Variants in ANKS1B observed in about 807,000 individuals in gnomAD.
ANKS1B encodes ankyrin repeat and sterile alpha motif domain containing 1B.
Under a neutral mutation model 148.3 loss-of-function variants are expected in ANKS1B, and 36 were observed. The observed-to-expected ratio is 0.24, with a 90% confidence interval of 0.19 to 0.32. The LOEUF (loss-of-function observed/expected upper bound fraction) is 0.32, where lower values mean the gene tolerates loss of function less well. Among genes scored for constraint, ANKS1B ranks in the 10% least tolerant of loss-of-function variants. ANKS1B has a pLI of 1.00. For synonymous variants in ANKS1B, 542 were observed against 560.8 expected, an observed-to-expected ratio of 0.97 and a Z score of 0.47; for missense variants, 1,157 against 1,542.6, an observed-to-expected ratio of 0.75 and a Z score of 4.19.
intron 17 of ANKS1B, among the ~76,000 whole-genome samples, chr12:98,872,912 T>C (rs1219287718): frequency 6.6e-6 from 1 of 152,254 alleles, no homozygotes; most frequent in Non-Finnish European, 1.5e-5. Flanking sequence ...CCAGCCTCTG[T>C]GCCTGTGTTT....
chr12:99,776,739 G>A (rs2063690279), intron 6 of ANKS1B, among the ~76,000 whole-genome samples: 1 of 152,050 alleles, frequency 6.6e-6, no homozygotes. Context: ...GAGTGCAGTG[G>A]TGCAATCTTG....
intron 17 of ANKS1B, among the ~76,000 whole-genome samples, chr12:99,010,548 A>G (rs2099938709): frequency 6.6e-6 from 1 of 152,166 alleles, no homozygotes; most frequent in Non-Finnish European, 1.5e-5. Context: ...TATTGATGAA[A>G]TAGGTATTAC....
At chr12:99,957,616 T>C (rs1002396492) in intron 1 of ANKS1B, among the ~76,000 whole-genome samples, 2 of 152,244 alleles carry the variant, frequency 1.3e-5, no homozygotes, top group African/African-American at 4.8e-5. Flanking sequence ...GTTGCTTATG[T>C]AGTCGAATTA....
intron 12 of ANKS1B, among the ~76,000 whole-genome samples, chr12:99,354,392 T>C (rs2091770847): frequency 6.6e-6 from 1 of 152,186 alleles, no homozygotes; most frequent in South Asian, 2.1e-4. Flanking sequence ...AACTACATGC[T>C]TCAAAACCAA....
At chr12:99,744,394 G>C (rs528678893) in intron 8 of ANKS1B, among the ~76,000 whole-genome samples, 1 of 152,274 alleles carries the variant, frequency 6.6e-6, no homozygotes, top group African/African-American at 2.4e-5. Flanking sequence ...ATCATTAAAA[G>C]TTTCACTTAC....
At chr12:99,882,072 G>T (rs77603921) in intron 1 of ANKS1B, among the ~76,000 whole-genome samples, 1 of 152,130 alleles carries the variant, frequency 6.6e-6, no homozygotes, top group Non-Finnish European at 1.5e-5. Context: ...GGAAATAGAA[G>T]ACGTGAAGAA....
intron 1 of ANKS1B, among the ~76,000 whole-genome samples, chr12:99,957,902 A>T (rs2095347663): frequency 6.6e-6 from 1 of 152,254 alleles, no homozygotes; most frequent in South Asian, 2.1e-4. Context: ...TAGGCATAAA[A>T]TAAAGACATT....
intron 17 of ANKS1B, among the ~76,000 whole-genome samples, chr12:98,972,554 T>C (rs1597819749): frequency 6.6e-6 from 1 of 152,168 alleles, no homozygotes; most frequent in African/African-American, 2.4e-5. Context: ...ACACAGCTAG[T>C]GAGTGGTGAA....
chr12:99,930,907 G>A (rs2094596627), intron 1 of ANKS1B, among the ~76,000 whole-genome samples: 1 of 152,032 alleles, frequency 6.6e-6, no homozygotes, highest in Non-Finnish European at 1.5e-5. Context: ...TGTTTATAGC[G>A]GCACTATTCA....
At chr12:99,640,557 G>A (rs1231104712) in intron 9 of ANKS1B, among the ~76,000 whole-genome samples, 5 of 152,134 alleles carry the variant, frequency 3.3e-5, no homozygotes, top group African/African-American at 4.8e-5. Flanking sequence ...TCTGCCTTGG[G>A]ATGATGTAGG....
At chr12:99,968,555 CTCAA>C (rs57273287) in intron 1 of ANKS1B, among the ~76,000 whole-genome samples, 17,420 of 151,368 alleles carry the variant, frequency 0.12, 1,059 homozygotes, top group Middle Eastern at 0.18. Context: ...GAGCCTCTGT[CTCAA>C]TCAATCAATC....
At chr12:99,468,290 A>C (rs571843712) in intron 10 of ANKS1B, among the ~76,000 whole-genome samples, 102 of 152,370 alleles carry the variant, frequency 6.7e-4, no homozygotes, top group African/African-American at 2.4e-3. Context: ...AAATTAATTC[A>C]AGATGGATTA....
At chr12:99,848,546 C>T (rs962259190) in intron 1 of ANKS1B, among the ~76,000 whole-genome samples, 2 of 152,042 alleles carry the variant, frequency 1.3e-5, no homozygotes, top group African/African-American at 4.8e-5. Context: ...CTGAATAGAA[C>T]CCAGAAACAG....
At chr12:98,827,042 C>T (rs1276773170) in intron 19 of ANKS1B, among the ~76,000 whole-genome samples, 1 of 152,054 alleles carries the variant, frequency 6.6e-6, no homozygotes, top group African/African-American at 2.4e-5. Flanking sequence ...TTGAATTATT[C>T]AACAACAAGA....
At chr12:99,588,248 T>G (rs1390921948) in intron 9 of ANKS1B, among the ~76,000 whole-genome samples, 1 of 152,170 alleles carries the variant, frequency 6.6e-6, no homozygotes, top group Non-Finnish European at 1.5e-5. Flanking sequence ...TGTCTGGTTA[T>G]TCAATATAAA....
intron 22 of ANKS1B, among the ~76,000 whole-genome samples, chr12:98,782,832 A>G (rs1347076642): frequency 6.6e-6 from 1 of 152,122 alleles, no homozygotes; most frequent in African/African-American, 2.4e-5. Context: ...GTGATTGCCA[A>G]AAAGAGAGAT....
intron 4 of ANKS1B, among the ~76,000 whole-genome samples, chr12:99,785,782 A>G (rs752084258): frequency 6.6e-6 from 1 of 152,210 alleles, no homozygotes; most frequent in Non-Finnish European, 1.5e-5. Flanking sequence ...TCTAAAGTAG[A>G]TAAGTACATT....
chr12:99,634,689 G>T (rs538967470), intron 9 of ANKS1B, among the ~76,000 whole-genome samples: 1 of 152,204 alleles, frequency 6.6e-6, no homozygotes, highest in Non-Finnish European at 1.5e-5. Flanking sequence ...AAGCAGAAAA[G>T]CTTTATGACA....
intron 12 of ANKS1B, among the ~76,000 whole-genome samples, chr12:99,296,962 G>A (rs2080957895): frequency 6.6e-6 from 1 of 152,024 alleles, no homozygotes; most frequent in Non-Finnish European, 1.5e-5. Flanking sequence ...GAATTGCGTT[G>A]GGCTAGATTA....
Sources: allele counts gnomAD v4.1 joint callset (sites outside exome capture counted in the v4.1 genomes callset), GRCh38; gene constraint gnomAD v4.1.1; transcripts MANE v1.5; gene names NCBI Gene and HGNC (gene_info 2026-07-23, HGNC 2026-07-21).